GPC6: variants seen among roughly 807,000 people sequenced by gnomAD.
The protein encoded by GPC6 is glypican-6.
A neutral mutation model predicts 55.2 loss-of-function variants in GPC6; 14 were observed. The ratio of observed to expected loss-of-function variants is 0.25; its 90% CI spans 0.17 to 0.40. GPC6 has a LOEUF of 0.40. Among genes scored for constraint, GPC6 ranks in the 10% least tolerant of loss-of-function variants. The pLI, the probability that GPC6 is intolerant of heterozygous loss-of-function variation, is 1.00. For synonymous variants in GPC6, 278 were observed against 259.6 expected (o/e 1.07, Z -0.68); for missense variants, 641 against 708.5 (o/e 0.90, Z 1.08).
intron 2 of GPC6, among the ~76,000 whole-genome samples, chr13:93,710,817 A>G (rs1883030086): frequency 6.6e-6 from 1 of 151,678 alleles, no homozygotes; most frequent in Non-Finnish European, 1.5e-5. Flanking sequence ...AAACTAGCCT[A>G]TTTTCCTAAA....
chr13:94,130,361 A>C (rs568667285), intron 4 of GPC6, among the ~76,000 whole-genome samples: 3 of 152,268 alleles, frequency 2.0e-5, no homozygotes, highest in African/African-American at 7.2e-5. Context: ...TTATACTCTT[A>C]AGTCTCTACA....
intron 8 of GPC6, among the ~76,000 whole-genome samples, chr13:94,399,699 T>G (rs891440854): frequency 2.0e-5 from 3 of 152,238 alleles, no homozygotes; most frequent in Non-Finnish European, 2.9e-5. Context: ...TTGTGCTTTA[T>G]TCCATTTTAA....
In GPC6 at chr13:94,083,301, A is replaced by G. The variant is rs532496773; in HGVS notation, c.877+55407A>G. 6.3e-3 allele frequency among the ~76,000 whole-genome samples: 960 copies of G among 151,928 alleles called. 8 individuals carry two copies. Among genetic ancestry groups the G allele is most frequent in the African/African-American group, 0.021 (875 of 41,440 alleles). ...ACCCGTCTAATTTTTTGTATTTTAA[A>G]TAGAGATGGGGTTTCACCGTGTTAG... On this transcript the variant is annotated intron_variant, in intron 4 of 8. Transcript: ENST00000377047.
chr13:93,965,443 T>A (rs1468428114), intron 3 of GPC6, among the ~76,000 whole-genome samples: 1 of 152,022 alleles, frequency 6.6e-6, no homozygotes, highest in Non-Finnish European at 1.5e-5. Context: ...CCACGAATAC[T>A]TTGCAATTCA....
At chr13:94,062,936 A>G (rs1389235720) in intron 4 of GPC6, among the ~76,000 whole-genome samples, 1 of 152,174 alleles carries the variant, frequency 6.6e-6, no homozygotes. Context: ...TAGTGGGGTG[A>G]AATACTACCA....
intron 1 of GPC6, among the ~76,000 whole-genome samples, chr13:93,328,380 A>T (rs1277336788): frequency 1.3e-5 from 2 of 152,158 alleles, no homozygotes; most frequent in Non-Finnish European, 2.9e-5. Flanking sequence ...TTGCTCAAAA[A>T]ATGTCACTCA....
At chr13:93,369,069 C>T (rs1021818749) in intron 1 of GPC6, among the ~76,000 whole-genome samples, 1 of 152,054 alleles carries the variant, frequency 6.6e-6, no homozygotes, top group Non-Finnish European at 1.5e-5. Flanking sequence ...TAGACATTGT[C>T]TCATACCTCC....
At chr13:93,985,796 T>G (rs1389928197) in intron 3 of GPC6, among the ~76,000 whole-genome samples, 1 of 151,530 alleles carries the variant, frequency 6.6e-6, no homozygotes, top group Non-Finnish European at 1.5e-5. Flanking sequence ...GAATCTGGAA[T>G]GCAGACAGCC....
chr13:94,018,278 T>C (rs1882557071), intron 3 of GPC6, among the ~76,000 whole-genome samples: 1 of 151,914 alleles, frequency 6.6e-6, no homozygotes, highest in Non-Finnish European at 1.5e-5. Flanking sequence ...ATTTGGTTAG[T>C]GTGTAGTATA....
chr13:93,633,289 A>G (rs1171997227), intron 2 of GPC6, among the ~76,000 whole-genome samples: 1 of 152,150 alleles, frequency 6.6e-6, no homozygotes, highest in Admixed American at 6.6e-5. Flanking sequence ...CCTTGTCCCA[A>G]ATTTTAGAAC....
chr13:93,776,108 G>T (rs1885458751), intron 2 of GPC6, among the ~76,000 whole-genome samples: 1 of 70,296 alleles, frequency 1.4e-5, no homozygotes, highest in Admixed American at 1.9e-4. Flanking sequence ...CTAAGCACTA[G>T]CCTGGAGAGA....
intron 3 of GPC6, among the ~76,000 whole-genome samples, chr13:94,021,960 C>G (rs1882712716): frequency 6.6e-6 from 1 of 151,774 alleles, no homozygotes; most frequent in Non-Finnish European, 1.5e-5. Flanking sequence ...TTATTGTTTT[C>G]AAAATAAATT....
chr13:93,219,349 C>T, the GPC6 span, among the ~76,000 whole-genome samples: 1 of 152,168 alleles, frequency 6.6e-6, no homozygotes, highest in Non-Finnish European at 1.5e-5. Context: ...GCCTTGGCCT[C>T]CCAAAGTGTT....
At chr13:93,682,617 GTTCCTAATAATTGAAATAT>G (rs1056388439) in intron 2 of GPC6, among the ~76,000 whole-genome samples, 1 of 152,026 alleles carries the variant, frequency 6.6e-6, no homozygotes, top group African/African-American at 2.4e-5. Flanking sequence ...GTACTAAGTA[GTTCCTAATAATTGAAATAT>G]TTGCTATTTA....
At chr13:93,695,531 A>G (rs1004939815) in intron 2 of GPC6, among the ~76,000 whole-genome samples, 1 of 152,102 alleles carries the variant, frequency 6.6e-6, no homozygotes, top group Non-Finnish European at 1.5e-5. Context: ...TGATTTGAAA[A>G]TAACTTTTAT....
chr13:93,377,358 CAAG>C (rs1874953208), intron 1 of GPC6, among the ~76,000 whole-genome samples: 2 of 152,278 alleles, frequency 1.3e-5, no homozygotes, highest in East Asian at 3.9e-4. Flanking sequence ...CACACATGTG[CAAG>C]AAGGTTTAGT....
intron 3 of GPC6, among the ~76,000 whole-genome samples, chr13:93,884,865 C>A (rs1207217763): frequency 6.6e-6 from 1 of 152,064 alleles, no homozygotes; most frequent in South Asian, 2.1e-4. Flanking sequence ...TGAAACGTTA[C>A]AAGAGCTTAT....
chr13:93,365,623 A>G (rs1276618072), intron 1 of GPC6, among the ~76,000 whole-genome samples: 1 of 152,086 alleles, frequency 6.6e-6, no homozygotes, highest in Non-Finnish European at 1.5e-5. Context: ...CCATATGTGC[A>G]TATGTGTTTT....
intron 4 of GPC6, among the ~76,000 whole-genome samples, chr13:94,217,280 G>T (rs1233193356): frequency 6.6e-6 from 1 of 152,144 alleles, no homozygotes; most frequent in African/African-American, 2.4e-5. Context: ...CAACACTTTT[G>T]TAAACATGAG....
Sources: gnomAD v4.1 joint callset for allele counts (sites outside exome capture counted in the v4.1 genomes callset) on GRCh38, gnomAD v4.1.1 for gene constraint, MANE v1.5 for transcripts, NCBI Gene and HGNC (gene_info 2026-07-23, HGNC 2026-07-21) for gene names.